TEC: variants seen among roughly 807,000 people sequenced by gnomAD.
The protein encoded by TEC is tyrosine-protein kinase Tec.
TEC carries 72 observed loss-of-function variants against 93.0 expected under a neutral mutation model. The observed-to-expected ratio is 0.77, with a 90% CI of 0.64 to 0.94. The LOEUF is 0.94. Ranked by LOEUF, TEC falls within the 40% of genes least tolerant of loss-of-function variation. TEC has a pLI of 0.00. For synonymous variants in TEC, 249 were observed against 247.7 expected (o/e 1.01, Z -0.05); for missense variants, 630 against 757.9 (o/e 0.83, Z 1.98).
intron 2 of TEC, among the ~76,000 whole-genome samples, chr4:48,182,622 T>C (rs1195915314): frequency 6.6e-6 from 1 of 151,784 alleles, no homozygotes; most frequent in Non-Finnish European, 1.5e-5. Flanking sequence ...CAATGACCAT[T>C]TTATATATTG....
chr4:48,211,852 C>T (rs1448342228), intron 2 of TEC, among the ~76,000 whole-genome samples: 1 of 151,992 alleles, frequency 6.6e-6, no homozygotes, highest in Non-Finnish European at 1.5e-5. Flanking sequence ...AATCCCAGCA[C>T]TTTGGGAGGC....
Position 48,228,538 on chromosome 4 carries a change from T to A in TEC, c.77A>T (p.Tyr26Phe). 1 of 1,613,788 alleles carries A rather than the reference T, an allele frequency of 6.2e-7. No homozygotes were observed. The highest frequency in any genetic ancestry group is 1.1e-5 in the South Asian group (1 of 91,050). ...QQKKKTSPLNYKERLFVLTKS... is the reference protein window; with the variant it reads ...QQKKKTSPLNFKERLFVLTKS... ...TGTAAGTACAAAAAGTCTCTCTTTGTAGTTTAAGGGCGATGTCTTCTTTTT... is the reference window on the plus strand; with the variant it reads ...TGTAAGTACAAAAAGTCTCTCTTTGAAGTTTAAGGGCGATGTCTTCTTTTT... Residue 26 changes from tyrosine (Y) to phenylalanine (F), a missense_variant, in exon 2 of 18, where the codon TAC (tyrosine) becomes TTC (phenylalanine). By Grantham distance (22) the Tyr-to-Phe change is conservative (BLOSUM62 3). Transcript: ENST00000381501.
chr4:48,228,630 A>T lies in TEC; in HGVS notation c.-16T>A. The T allele has an allele frequency of 6.2e-7, 1 of 1,608,544 alleles. No homozygotes were observed. Among genetic ancestry groups the T allele is most frequent in the Non-Finnish European group, 8.5e-7 (1 of 1,178,084 alleles). On this transcript the variant is annotated 5_prime_UTR_variant, in exon 2 of 18. Transcript: ENST00000381501. ...TAAAATTCATCTCCGTCTTCTGATT[A>T]CTCCTCCTGCCACTGAAGATCCCAG...
intron 2 of TEC, among the ~76,000 whole-genome samples, chr4:48,178,669 G>T (rs1209446648): frequency 6.6e-6 from 1 of 152,114 alleles, no homozygotes; most frequent in Non-Finnish European, 1.5e-5. Flanking sequence ...TGGACAAAAG[G>T]GGTTCTAAGC....
At chr4:48,205,373 G>A (rs111831783) in intron 2 of TEC, among the ~76,000 whole-genome samples, 6 of 152,250 alleles carry the variant, frequency 3.9e-5, no homozygotes, top group African/African-American at 1.4e-4. Flanking sequence ...TGTGCTCCAT[G>A]ACATCATGCA....
chr4:48,248,825 C>T (rs931483286), intron 1 of TEC, among the ~76,000 whole-genome samples: 3 of 151,640 alleles, frequency 2.0e-5, no homozygotes, highest in African/African-American at 7.3e-5. Context: ...GGTTCATCTG[C>T]ACTCTTTACA....
intron 1 of TEC, among the ~76,000 whole-genome samples, chr4:48,269,327 G>A (rs1724721696): frequency 6.6e-6 from 1 of 152,238 alleles, no homozygotes; most frequent in African/African-American, 2.4e-5. Flanking sequence ...TCTCGACACT[G>A]CCAAATTTCA....
chr4:48,176,511 A>T lies in TEC; in HGVS notation c.139-325T>A, dbSNP rs1339010345. On this transcript the variant is annotated intron_variant, in intron 2 of 17. Coordinates refer to ENST00000381501, the MANE Select transcript of TEC (RefSeq NM_003215.3). ...CAAGGCGGGTGGATTACTTGAGGCC[A>T]GCAGTTCGAGACCAGCCTGGCCAAC... 3.3e-5 allele frequency among the ~76,000 whole-genome samples: 5 copies of T among 152,156 alleles called. No homozygotes were observed. In the South Asian group the frequency reaches 8.3e-4, roughly 25 times the overall value.
At chr4:48,201,324 A>C (rs1373689705) in intron 2 of TEC, among the ~76,000 whole-genome samples, 1 of 152,188 alleles carries the variant, frequency 6.6e-6, no homozygotes, top group African/African-American at 2.4e-5. Context: ...GTGAGAACTC[A>C]GACCTCAGAA....
intron 2 of TEC, among the ~76,000 whole-genome samples, chr4:48,195,197 T>C (rs1421324333): frequency 6.6e-6 from 1 of 152,178 alleles, no homozygotes; most frequent in African/African-American, 2.4e-5. Flanking sequence ...GAAGTGTGAC[T>C]AGGGTTACTT....
chr4:48,142,753 T>G (rs754306227), intron 14 of TEC, among the ~76,000 whole-genome samples: 34 of 151,938 alleles, frequency 2.2e-4, no homozygotes, highest in Admixed American at 7.2e-4. Context: ...CGACCTTGGC[T>G]CACTGCAACC....
chr4:48,239,042 T>C (rs1723860736), intron 1 of TEC, among the ~76,000 whole-genome samples: 1 of 152,242 alleles, frequency 6.6e-6, no homozygotes, highest in African/African-American at 2.4e-5. Context: ...AGAAATTATA[T>C]ATCATGGTAT....
intron 1 of TEC, among the ~76,000 whole-genome samples, chr4:48,243,906 T>A (rs1210045295): frequency 6.6e-6 from 1 of 150,798 alleles, no homozygotes; most frequent in Non-Finnish European, 1.5e-5. Context: ...ACATGACACA[T>A]GTATACCTAT....
At chr4:48,209,128 A>G (rs1722809456) in intron 2 of TEC, among the ~76,000 whole-genome samples, 1 of 152,224 alleles carries the variant, frequency 6.6e-6, no homozygotes, top group Non-Finnish European at 1.5e-5. Context: ...TAACTTTCTC[A>G]GCACAGAAAG....
In TEC at chr4:48,137,111, C is replaced by T. The variant is rs139604534; in HGVS notation, c.*305G>A. ...ATCAGCTAACATGGTCCCATGTGTG[C>T]ACCCCTGAATGGCCAAACCCTGGGG... On this transcript the variant is annotated 3_prime_UTR_variant, in exon 18 of 18. Transcript: ENST00000381501. 52 of 314,570 alleles carry T rather than the reference C, an allele frequency of 1.7e-4. 2 individuals are homozygous for T. In the East Asian group the frequency reaches 3.0e-3, roughly 18 times the overall value. 19.5% of individuals were successfully genotyped at this position (314,570 alleles called of 1,614,324 possible). A position where few individuals can be genotyped will look rare whatever the true frequency, so the allele number is the denominator to read the frequency against.
chr4:48,172,225 A>G (rs961085930), intron 3 of TEC, among the ~76,000 whole-genome samples: 1 of 151,786 alleles, frequency 6.6e-6, no homozygotes, highest in Non-Finnish European at 1.5e-5. Context: ...AAACTAAGCC[A>G]GAAATTTTTT....
At chr4:48,267,688 T>C (rs1724676194) in intron 1 of TEC, among the ~76,000 whole-genome samples, 1 of 152,130 alleles carries the variant, frequency 6.6e-6, no homozygotes, top group African/African-American at 2.4e-5. Context: ...GGGAGCATAA[T>C]AAAGGCTCTG....
chr4:48,216,872 T>G (rs1723098402), intron 2 of TEC, among the ~76,000 whole-genome samples: 1 of 152,190 alleles, frequency 6.6e-6, no homozygotes, highest in African/African-American at 2.4e-5. Context: ...ATCAAATGAA[T>G]AAAACACAAC....
intron 2 of TEC, among the ~76,000 whole-genome samples, chr4:48,193,270 C>A (rs1211189836): frequency 6.6e-6 from 1 of 151,962 alleles, no homozygotes; most frequent in African/African-American, 2.4e-5. Context: ...ACCAGCACCA[C>A]CACTTTTTCT....
Sources: allele counts gnomAD v4.1 joint callset (sites outside exome capture counted in the v4.1 genomes callset), GRCh38; gene constraint gnomAD v4.1.1; transcripts MANE v1.5; gene names NCBI Gene and HGNC (gene_info 2026-07-23, HGNC 2026-07-21).